The following CHN1 variants were observed in gnomAD, a reference collection of about 807,000 sequenced individuals.
The protein encoded by CHN1 is chimerin 1, also known as N-chimaerin.
In CHN1, 37 loss-of-function variants were observed where a neutral mutation model predicts 59.5. That is an observed-to-expected ratio of 0.62 (90% CI 0.48 to 0.82). The LOEUF is 0.82. Among genes scored for constraint, CHN1 ranks in the 40% least tolerant of loss-of-function variants. CHN1 has a pLI of 0.00. For missense variants in CHN1, 469 were observed against 571.0 expected (o/e 0.82, Z 1.82); for synonymous variants, 206 against 200.4 (o/e 1.03, Z -0.24).
intron 5 of CHN1, among the ~76,000 whole-genome samples, chr2:174,879,110 A>G (rs542211165): frequency 6.6e-6 from 1 of 152,364 alleles, no homozygotes; most frequent in African/African-American, 2.4e-5. Flanking sequence ...CACAAAGGAT[A>G]TATTTAATTT....
rs1477992069 is a variant in CHN1 at position 174,799,882 on chromosome 2, T to G, written c.*234A>C. 1.6e-6 allele frequency: 1 copy of G among 623,060 alleles called. No homozygotes were observed. The highest frequency in any genetic ancestry group is 3.0e-6 in the Non-Finnish European group (1 of 336,226). The allele number at this position is 623,060 out of a possible 1,614,324, so 38.6% of individuals were successfully genotyped here. On this transcript the variant is annotated 3_prime_UTR_variant, in exon 13 of 13. Transcript: ENST00000409900. The stretch of plus-strand genomic sequence containing the variant: ...ATAGGGGGCTAATCATGCAATAGCT[T>G]GAGTTTCTCTGAACGTGATAAACAC...
chr2:174,937,991 C>G (rs1013827586), intron 3 of CHN1, among the ~76,000 whole-genome samples: 29 of 151,992 alleles, frequency 1.9e-4, no homozygotes, highest in African/African-American at 7.0e-4. Flanking sequence ...TATAACAGCA[C>G]AAAATGAACT....
intron 1 of CHN1, among the ~76,000 whole-genome samples, chr2:174,967,928 C>T (rs1231807890): frequency 6.6e-6 from 1 of 152,164 alleles, no homozygotes; most frequent in Non-Finnish European, 1.5e-5. Flanking sequence ...CGATCATATT[C>T]CCTGGCCTGG....
chr2:174,887,776 C>T (rs995515166), intron 5 of CHN1, among the ~76,000 whole-genome samples: 4 of 152,100 alleles, frequency 2.6e-5, no homozygotes, highest in South Asian at 4.1e-4. Flanking sequence ...GAGTCGTAAA[C>T]GGAATGAAAA....
Position 174,954,772 on chromosome 2 carries a change from A to G in CHN1, c.20-2570T>C, listed in dbSNP as rs1690133839. Among the ~76,000 whole-genome samples the G allele has an allele frequency of 2.0e-5, 3 of 152,166 alleles. No individual in the cohort carries two copies. The South Asian group carries it at 6.2e-4, about 31-fold the overall frequency. ...ACCTCACTCCTACAAGAGTGGCCAT[A>G]ATTAAAAAATCAAAAAATAATAAAT... On this transcript the variant is annotated intron_variant, in intron 1 of 12. Transcript: ENST00000409900.
At chr2:174,981,793 G>A (rs562867196) in intron 1 of CHN1, among the ~76,000 whole-genome samples, 104 of 152,024 alleles carry the variant, frequency 6.8e-4, no homozygotes, top group Non-Finnish European at 1.3e-3. Flanking sequence ...AAATACACAC[G>A]AATTTTTTTT....
Position 174,927,133 on chromosome 2 carries a change from A to G in CHN1, c.115-8568T>C, listed in dbSNP as rs559274649. Among the ~76,000 whole-genome samples, 144 of 152,112 alleles carry G rather than the reference A, an allele frequency of 9.5e-4. 1 individual carries two copies. The highest frequency in any genetic ancestry group is 3.4e-3 in the African/African-American group (142 of 41,498). On this transcript the variant is annotated intron_variant, in intron 3 of 12. Transcript: ENST00000409900. ...ACCCTTTAAATAATGATGCCCTCAC[A>G]ATCATCTTTAGAGAAAGGCACAGAC... is the stretch of plus-strand genomic sequence containing the variant.
At chr2:174,927,126 C>T (rs968014781) in intron 3 of CHN1, among the ~76,000 whole-genome samples, 3 of 152,096 alleles carry the variant, frequency 2.0e-5, no homozygotes, top group African/African-American at 4.8e-5. Flanking sequence ...AATAATGATG[C>T]CCTCACAATC....
chr2:174,867,060 ATT>A lies in CHN1; in HGVS notation c.549+10778_549+10779del, dbSNP rs112322984. On this transcript the variant is annotated intron_variant, in intron 6 of 12. Coordinates refer to ENST00000409900, the MANE Select transcript of CHN1 (RefSeq NM_001822.7). The stretch of plus-strand genomic sequence containing the variant: ...TAAAATGACAACTTTTTTTTACTTA[ATT>A]TTTTTTTTTTTTTTTAAAGATTACT... Among the ~76,000 whole-genome samples, 258 of 144,154 alleles carry A rather than the reference ATT, an allele frequency of 1.8e-3. 3 individuals are homozygous for A. Among genetic ancestry groups the A allele is most frequent in the Middle Eastern group, 0.018 (5 of 280 alleles). The allele number at this position is 144,154 out of a possible 152,430, so 94.6% of individuals were successfully genotyped here. A position where few individuals can be genotyped will look rare whatever the true frequency, so the allele number is the denominator to read the frequency against.
intron 12 of CHN1, 76 bp from the exon 13 acceptor site, chr2:174,800,363 A>G: frequency 9.0e-7 from 1 of 1,116,638 alleles, no homozygotes; most frequent in Non-Finnish European, 1.2e-6. Context: ...CACTAAAACA[A>G]CAAGATTCAC....
At position 174,819,016 on chromosome 2, in the gene CHN1, T is replaced by G. The variant is rs553569090; in HGVS notation, c.712+5418A>C. Among the ~76,000 whole-genome samples the G allele has an allele frequency of 2.4e-3, 353 of 147,892 alleles. 2 individuals are homozygous for G. The highest frequency in any genetic ancestry group is 9.1e-3 in the African/African-American group (343 of 37,564). On this transcript the variant is annotated intron_variant, in intron 8 of 12. Coordinates refer to ENST00000409900, the MANE Select transcript of CHN1 (RefSeq NM_001822.7). ...AAAACTTGTTTTGAAACATATCTCGTTTTTTTTCCCCCAGGAAAGTGGAAT... is the reference window on the plus strand; with the variant it reads ...AAAACTTGTTTTGAAACATATCTCGGTTTTTTTCCCCCAGGAAAGTGGAAT...
intron 1 of CHN1, among the ~76,000 whole-genome samples, chr2:174,980,506 A>G (rs1691112630): frequency 6.6e-6 from 1 of 152,168 alleles, no homozygotes; most frequent in South Asian, 2.1e-4. Context: ...TGATTTTAAA[A>G]TTGTTTTCAA....
chr2:174,871,660 C>T (rs377706731), intron 6 of CHN1, among the ~76,000 whole-genome samples: 34 of 152,260 alleles, frequency 2.2e-4, no homozygotes, highest in African/African-American at 7.7e-4. Context: ...TAAAGGCAAA[C>T]TCAAATCAAA....
chr2:174,894,723 C>T (rs1178230207), intron 5 of CHN1, among the ~76,000 whole-genome samples: 4 of 152,048 alleles, frequency 2.6e-5, no homozygotes, highest in African/African-American at 2.4e-5. Flanking sequence ...GCAACCAAGA[C>T]GTCTATTGAT....
At chr2:174,926,615 T>A (rs1455763987) in intron 3 of CHN1, among the ~76,000 whole-genome samples, 1 of 152,174 alleles carries the variant, frequency 6.6e-6, no homozygotes, top group Admixed American at 6.5e-5. Context: ...GACTGCTTCC[T>A]CTGATGGAAA....
chr2:174,830,291 C>A (rs1685833112), intron 7 of CHN1, among the ~76,000 whole-genome samples: 1 of 151,992 alleles, frequency 6.6e-6, no homozygotes, highest in African/African-American at 2.4e-5. Flanking sequence ...GTTTAAAGTA[C>A]TTTGATTTAT....
rs5836474 is a variant in CHN1 at position 174,815,589 on chromosome 2, CTTTTT to C, written c.713-3112_713-3108del. Among the ~76,000 whole-genome samples, 3 of 127,568 alleles carry C rather than the reference CTTTTT, an allele frequency of 2.4e-5. No individual in the cohort carries two copies. In the East Asian group the frequency reaches 6.9e-4, roughly 29 times the overall value. The allele number at this position is 127,568 out of a possible 152,430, so 83.7% of individuals were successfully genotyped here. ...ATATCTATTTCTTTTCGGATATTTC[CTTTTT>C]TTTTTTTTTTCATTTGTTTCAAGAG... is the stretch of plus-strand genomic sequence containing the variant. On this transcript the variant is annotated intron_variant, in intron 8 of 12. Coordinates refer to ENST00000409900, the MANE Select transcript of CHN1 (RefSeq NM_001822.7).
At chr2:174,873,834 C>G (rs1687480870) in intron 6 of CHN1, among the ~76,000 whole-genome samples, 1 of 152,226 alleles carries the variant, frequency 6.6e-6, no homozygotes, top group East Asian at 1.9e-4. Context: ...TGCATTCATT[C>G]CAAGCTTAGA....
Position 174,915,141 on chromosome 2 carries a change from G to T in CHN1, c.177C>A (p.Ala59=). The change falls in exon 5 of 13, where the codon GCC becomes GCA. Residue 59 remains alanine, a synonymous_variant. Transcript: ENST00000409900. ...EFHGMISREA[A]DQLLIVAEGS... is the part of the protein sequence containing the mutation. Reference sequence around the variant, plus strand: ...CCTCAGCCACAATCAAGAGCTGGTCGGCTGCTTCTCTGGAGATCATGCCAT... The same window carrying T: ...CCTCAGCCACAATCAAGAGCTGGTCTGCTGCTTCTCTGGAGATCATGCCAT... 1.2e-6 allele frequency: 2 copies of T among 1,611,514 alleles called. No individual in the cohort carries two copies. The highest frequency in any genetic ancestry group is 1.7e-6 in the Non-Finnish European group (2 of 1,178,908).
Sources: gnomAD v4.1 joint callset for allele counts (sites outside exome capture counted in the v4.1 genomes callset) on GRCh38, gnomAD v4.1.1 for gene constraint, MANE v1.5 for transcripts, NCBI Gene and HGNC (gene_info 2026-07-23, HGNC 2026-07-21) for gene names.